Variants in PALLD observed in about 807,000 individuals in gnomAD.
PALLD encodes the protein palladin, cytoskeletal associated protein, also known as palladin.
Under a neutral mutation model 123.5 loss-of-function variants are expected in PALLD, and 61 were observed. The ratio of observed to expected loss-of-function variants is 0.49; its 90% CI spans 0.40 to 0.61. PALLD has a LOEUF of 0.61. Ranked by LOEUF, PALLD falls within the 20% of genes least tolerant of loss-of-function variation. PALLD has a pLI of 0.00. For synonymous variants in PALLD, 465 were observed against 496.4 expected (o/e 0.94, Z 0.84); for missense variants, 1,273 against 1,377.0 (o/e 0.92, Z 1.20).
chr4:168,811,455 C>A (rs79694062), intron 10 of PALLD, among the ~76,000 whole-genome samples: 2,351 of 152,224 alleles, frequency 0.015, 63 homozygotes, highest in African/African-American at 0.054. Flanking sequence ...TTACTGCTGG[C>A]CAGGCATGAT....
At chr4:168,749,406 TA>T (rs33999722) in intron 10 of PALLD, among the ~76,000 whole-genome samples, 72,389 of 146,446 alleles carry the variant, frequency 0.49, 17,559 homozygotes, top group South Asian at 0.61. Flanking sequence ...CTATCACCTT[TA>T]AAAAAAAAAA....
At chr4:168,771,310 A>T (rs1054516900) in intron 10 of PALLD, among the ~76,000 whole-genome samples, 5 of 152,186 alleles carry the variant, frequency 3.3e-5, no homozygotes, top group Admixed American at 2.0e-4. Context: ...TCAAAGCATG[A>T]CATATTAAAT....
At chr4:168,745,075 G>T (rs561356976) in intron 10 of PALLD, among the ~76,000 whole-genome samples, 1 of 152,284 alleles carries the variant, frequency 6.6e-6, no homozygotes, top group South Asian at 2.1e-4. Context: ...CTATGACCTT[G>T]AATAAGTCAC....
At chr4:168,591,286 T>C (rs183306177) in intron 2 of PALLD, among the ~76,000 whole-genome samples, 81 of 152,324 alleles carry the variant, frequency 5.3e-4, no homozygotes, top group Non-Finnish European at 9.7e-4. Flanking sequence ...GAGATGTCAG[T>C]AATACTATGA....
intron 10 of PALLD, among the ~76,000 whole-genome samples, chr4:168,813,113 G>A (rs1741411909): frequency 6.6e-6 from 1 of 151,302 alleles, no homozygotes; most frequent in African/African-American, 2.4e-5. Context: ...TTTGGGGGGG[G>A]CGGAAATGAA....
intron 2 of PALLD, among the ~76,000 whole-genome samples, chr4:168,519,972 T>C (rs1763370349): frequency 6.6e-6 from 1 of 151,936 alleles, no homozygotes; most frequent in African/African-American, 2.4e-5. Context: ...CGGAGGACAA[T>C]AAATATTCCC....
At chr4:168,673,829 A>G (rs911224738) in intron 3 of PALLD, among the ~76,000 whole-genome samples, 2 of 152,016 alleles carry the variant, frequency 1.3e-5, no homozygotes, top group Non-Finnish European at 2.9e-5. Flanking sequence ...TGAAATGAGG[A>G]AGACGGAAAA....
intron 10 of PALLD, among the ~76,000 whole-genome samples, chr4:168,800,614 T>C (rs1355400331): frequency 1.3e-5 from 2 of 152,168 alleles, no homozygotes. Flanking sequence ...TACCAAGTTC[T>C]GGCAAGGATG....
At chr4:168,656,555 C>G (rs1778590807) in intron 2 of PALLD, among the ~76,000 whole-genome samples, 1 of 152,070 alleles carries the variant, frequency 6.6e-6, no homozygotes, top group African/African-American at 2.4e-5. Context: ...TTTTTAGTTG[C>G]TCTTGCAATG....
At chr4:168,679,183 G>GTGTGTGTT (rs1333783555) in intron 3 of PALLD, among the ~76,000 whole-genome samples, 1 of 118,560 alleles carries the variant, frequency 8.4e-6, no homozygotes. Flanking sequence ...GTGGTGGGGT[G>GTGTGTGTT]TGTGTGTGGT....
chr4:168,905,608 T>C (rs1757564089), intron 15 of PALLD, among the ~76,000 whole-genome samples: 1 of 152,106 alleles, frequency 6.6e-6, no homozygotes, highest in South Asian at 2.1e-4. Flanking sequence ...CACAGCAAAC[T>C]CTTCACTGTT....
chr4:168,615,532 A>G (rs1774146245), intron 2 of PALLD, among the ~76,000 whole-genome samples: 1 of 152,226 alleles, frequency 6.6e-6, no homozygotes, highest in Non-Finnish European at 1.5e-5. Flanking sequence ...GGGCACAAAG[A>G]GACAGGATTT....
At chr4:168,819,533 T>C (rs1449746513) in intron 10 of PALLD, among the ~76,000 whole-genome samples, 1 of 152,210 alleles carries the variant, frequency 6.6e-6, no homozygotes, top group Non-Finnish European at 1.5e-5. Flanking sequence ...AATCCTGACA[T>C]TGAGATCACA....
intron 8 of PALLD, 89 bp from the exon 9 acceptor site, chr4:168,708,939 G>A: frequency 8.9e-7 from 1 of 1,118,632 alleles, no homozygotes; most frequent in South Asian, 1.2e-5. Context: ...AACCTAATTT[G>A]TTTGTTGTGG....
intron 10 of PALLD, among the ~76,000 whole-genome samples, chr4:168,850,693 G>A (rs1194323029): frequency 6.6e-6 from 1 of 151,502 alleles, no homozygotes; most frequent in Non-Finnish European, 1.5e-5. Context: ...CACCACACCT[G>A]GCTAATTTTT....
chr4:168,524,140 C>A (rs1763829311), intron 2 of PALLD, among the ~76,000 whole-genome samples: 1 of 152,136 alleles, frequency 6.6e-6, no homozygotes, highest in African/African-American at 2.4e-5. Flanking sequence ...CAGAAAAGGA[C>A]ATACTTAAAC....
chr4:168,790,200 C>G (rs1186912996), intron 10 of PALLD, among the ~76,000 whole-genome samples: 1 of 147,036 alleles, frequency 6.8e-6, no homozygotes, highest in Non-Finnish European at 1.5e-5. Flanking sequence ...CTTGCTCTGT[C>G]ACCCAGGCTG....
intron 10 of PALLD, among the ~76,000 whole-genome samples, chr4:168,800,984 A>G (rs1473280883): frequency 2.6e-5 from 4 of 152,230 alleles, no homozygotes; most frequent in Non-Finnish European, 5.9e-5. Flanking sequence ...TTACACACAT[A>G]ATATAGAACA....
At chr4:168,595,570 A>T (rs573746938) in intron 2 of PALLD, among the ~76,000 whole-genome samples, 9 of 152,242 alleles carry the variant, frequency 5.9e-5, no homozygotes, top group Admixed American at 4.6e-4. Context: ...ATCCCTCTCT[A>T]TAGATGTTAG....
Sources: allele counts gnomAD v4.1 joint callset (sites outside exome capture counted in the v4.1 genomes callset), GRCh38; gene constraint gnomAD v4.1.1; transcripts MANE v1.5; gene names NCBI Gene and HGNC (gene_info 2026-07-23, HGNC 2026-07-21).